The following RYR3 variants were observed in gnomAD, a reference collection of about 807,000 sequenced individuals.
RYR3 encodes brain ryanodine receptor-calcium release channel.
RYR3 carries 207 observed loss-of-function variants against 584.3 expected under a neutral mutation model. The observed-to-expected ratio is 0.35, with a 90% CI of 0.32 to 0.40. The LOEUF is 0.40. Ranked by LOEUF, RYR3 falls within the 10% of genes least tolerant of loss-of-function variation. The pLI is 1.00. For synonymous variants in RYR3, 2,416 were observed against 2,248.5 expected (o/e 1.07, Z -2.11); for missense variants, 5,616 against 6,089.2 (o/e 0.92, Z 2.59).
rs1245421840 is a variant in RYR3, at chr15:33,838,277, A to G, written c.12297A>G (p.Ala4099=). ...CEDTIFEMQL[A]SQISESDSAD... ...ACACCATCTTTGAAATGCAGTTAGC[A>G]TCTCAGATCTCTGAATCCGATTCAG... The change falls in exon 89 of 104, where the codon GCA becomes GCG. Residue 4099 remains alanine (A), a synonymous_variant. Transcript: ENST00000634891. 3.1e-6 allele frequency: 5 copies of G among 1,614,064 alleles called. No individual in the cohort carries two copies. Among genetic ancestry groups the G allele is most frequent in the East Asian group, 2.2e-5 (1 of 44,878 alleles).
At chr15:33,527,911 G>C (rs1203030140) in intron 3 of RYR3, among the ~76,000 whole-genome samples, 1 of 152,144 alleles carries the variant, frequency 6.6e-6, no homozygotes, top group Non-Finnish European at 1.5e-5. Context: ...ACTGGCAGGC[G>C]CAAGGTGCTG....
intron 34 of RYR3, 78 bp from the exon 35 acceptor site, chr15:33,662,075 T>C: frequency 7.9e-7 from 1 of 1,268,562 alleles, no homozygotes; most frequent in Non-Finnish European, 1.1e-6. Flanking sequence ...ACCCTGCCTT[T>C]GTTGGGCTGG....
At chr15:33,685,946 T>C (rs1018399283) in intron 38 of RYR3, among the ~76,000 whole-genome samples, 10 of 152,172 alleles carry the variant, frequency 6.6e-5, no homozygotes, top group Non-Finnish European at 1.5e-4. Flanking sequence ...TAAAGCAGTG[T>C]GTAGAGGGAA....
At chr15:33,645,161 A>G (rs1401265622) in intron 28 of RYR3, among the ~76,000 whole-genome samples, 1 of 152,180 alleles carries the variant, frequency 6.6e-6, no homozygotes, top group African/African-American at 2.4e-5. Context: ...CAGGATTTTA[A>G]GCTGACGTCT....
At chr15:33,723,658 G>A (rs778481491) in intron 44 of RYR3, among the ~76,000 whole-genome samples, 6 of 152,156 alleles carry the variant, frequency 3.9e-5, no homozygotes, top group African/African-American at 1.4e-4. Context: ...CAAGCAACAT[G>A]AGAAAAAAAC....
chr15:33,348,996 G>T (rs1012676324), intron 1 of RYR3, among the ~76,000 whole-genome samples: 8 of 151,720 alleles, frequency 5.3e-5, no homozygotes, highest in Non-Finnish European at 1.2e-4. Context: ...TTTCCGAAAG[G>T]TCATGTAATT....
Position 33,468,826 on chromosome 15 carries a change from C to T in RYR3, c.52-4593C>T, listed in dbSNP as rs563017527. Among the ~76,000 whole-genome samples, 27 of 152,250 alleles carry T rather than the reference C, an allele frequency of 1.8e-4. 1 individual carries two copies. The highest frequency in any genetic ancestry group is 3.4e-3 in the Middle Eastern group (1 of 294). On this transcript the variant is annotated intron_variant, in intron 1 of 103. Coordinates refer to ENST00000634891, the MANE Select transcript of RYR3 (RefSeq NM_001036.6). ...ATCCTGCCTTTGAGGGGTACAAAGT[C>T]AGCTGGAAGTAGTGGTAGCAAGTGC...
chr15:33,652,364 G>C (rs780674302), intron 31 of RYR3, among the ~76,000 whole-genome samples: 1 of 152,122 alleles, frequency 6.6e-6, no homozygotes, highest in Non-Finnish European at 1.5e-5. Flanking sequence ...GCCGAAGGTG[G>C]TCATTCACTC....
chr15:33,727,925 T>C (rs2068606440), intron 46 of RYR3, among the ~76,000 whole-genome samples: 1 of 152,214 alleles, frequency 6.6e-6, no homozygotes, highest in Non-Finnish European at 1.5e-5. Flanking sequence ...ATTTTCTTCA[T>C]AGTATTTCCC....
intron 3 of RYR3, among the ~76,000 whole-genome samples, chr15:33,504,808 C>T (rs1351381150): frequency 6.6e-6 from 1 of 152,174 alleles, no homozygotes; most frequent in Admixed American, 6.5e-5. Flanking sequence ...TTCTCTTTTG[C>T]CTCTGATCCT....
chr15:33,512,650 A>G (rs2053137631), intron 3 of RYR3, among the ~76,000 whole-genome samples: 1 of 152,194 alleles, frequency 6.6e-6, no homozygotes, highest in Non-Finnish European at 1.5e-5. Context: ...ACAAACTAGA[A>G]TTCTGTTCAT....
intron 69 of RYR3, 128 bp downstream of exon 69, chr15:33,802,089 C>G (rs1462638562): frequency 3.9e-6 from 3 of 778,616 alleles, no homozygotes; most frequent in African/African-American, 1.7e-5. Context: ...CCAACAGTCT[C>G]TGCTGCTGTT....
intron 1 of RYR3, among the ~76,000 whole-genome samples, chr15:33,325,963 C>T (rs903292629): frequency 2.0e-5 from 3 of 151,950 alleles, no homozygotes; most frequent in African/African-American, 2.4e-5. Context: ...CACCATGCCT[C>T]GCTAATTTTT....
At chr15:33,787,323 T>A (rs1380135159) in intron 66 of RYR3, among the ~76,000 whole-genome samples, 1 of 152,244 alleles carries the variant, frequency 6.6e-6, no homozygotes, top group Non-Finnish European at 1.5e-5. Context: ...GAGAGTGCCA[T>A]TAACCTTCTC....
chr15:33,823,718 CATG>C (rs2077226760), intron 81 of RYR3, among the ~76,000 whole-genome samples: 1 of 152,086 alleles, frequency 6.6e-6, no homozygotes, highest in Admixed American at 6.6e-5. Flanking sequence ...AGTCATAGGT[CATG>C]ATACTTGCTG....
intron 43 of RYR3, chr15:33,722,419 C>A (rs1341963801): frequency 2.0e-4 from 83 of 414,120 alleles, no homozygotes; most frequent in Non-Finnish European, 8.1e-5. Flanking sequence ...TTTAAACAAA[C>A]AGATCCTGAC....
At chr15:33,673,920 G>A (rs2063999122) in intron 38 of RYR3, among the ~76,000 whole-genome samples, 1 of 152,176 alleles carries the variant, frequency 6.6e-6, no homozygotes, top group South Asian at 2.1e-4. Flanking sequence ...TCTTTCTGAA[G>A]GAGGTGAACA....
At chr15:33,428,774 T>C (rs1412037091) in intron 1 of RYR3, among the ~76,000 whole-genome samples, 1 of 152,192 alleles carries the variant, frequency 6.6e-6, no homozygotes, top group African/African-American at 2.4e-5. Flanking sequence ...TAAACAGTTA[T>C]AGTTCAGGGG....
chr15:33,773,653 A>G, intron 64 of RYR3, 38 bp downstream of exon 64: 2 of 1,352,962 alleles, frequency 1.5e-6, no homozygotes, highest in Non-Finnish European at 2.1e-6. Context: ...TTTCAGGCAT[A>G]GTAAAATGTT....
Sources: allele counts gnomAD v4.1 joint callset (sites outside exome capture counted in the v4.1 genomes callset), GRCh38; gene constraint gnomAD v4.1.1; transcripts MANE v1.5; gene names NCBI Gene and HGNC (gene_info 2026-07-23, HGNC 2026-07-21).